Variants in NR1I2 observed in about 807,000 individuals in gnomAD.
NR1I2 encodes nuclear receptor subfamily 1 group I member 2.
Under a neutral mutation model 43.3 loss-of-function variants are expected in NR1I2, and 42 were observed. The observed-to-expected ratio is 0.97, with a 90% CI of 0.76 to 1.26. NR1I2 has a LOEUF of 1.26. Ranked by LOEUF, NR1I2 falls within the 50% of genes most tolerant of loss-of-function variation. The pLI is 0.00. For synonymous variants in NR1I2, 229 were observed against 215.0 expected (o/e 1.06, Z -0.57); for missense variants, 559 against 566.7 (o/e 0.99, Z 0.14).
At chr3:119,810,037 C>G (rs370569472) in intron 2 of NR1I2, 24 bp from the exon 3 acceptor site, 2 of 1,613,486 alleles carry the variant, frequency 1.2e-6, no homozygotes. Flanking sequence ...TGCATCCCCC[C>G]TTCTGCTCCC....
At chr3:119,783,002 A>G (rs1378770441) in intron 1 of NR1I2, 9 of 710,982 alleles carry the variant, frequency 1.3e-5, no homozygotes, top group Non-Finnish European at 2.0e-5. Context: ...CTTTAAGGCC[A>G]CTCCATATCT....
At position 119,799,985 on chromosome 3, in the gene NR1I2, A is replaced by AACAAACAC. The variant is rs1553717728; in HGVS notation, c.-22-7241_-22-7240insAACACACA. Among the ~76,000 whole-genome samples the AACAAACAC allele has an allele frequency of 7.7e-4, 110 of 142,494 alleles. 1 individual carries two copies. Among genetic ancestry groups the AACAAACAC allele is most frequent in the South Asian group, 6.0e-3 (26 of 4,302 alleles). The allele number at this position is 142,494 out of a possible 152,430, so 93.5% of individuals were successfully genotyped here. A position where few individuals can be genotyped will look rare whatever the true frequency, so the allele number is the denominator to read the frequency against. ...CAAAAAACAAACAAACAAACAAACA[A>AACAAACAC]ACACACACACACACACACACACACA... On this transcript the variant is annotated intron_variant, in intron 1 of 8. Coordinates refer to ENST00000393716, the MANE Select transcript of NR1I2 (RefSeq NM_003889.4).
rs201915734 is a variant in NR1I2 at position 119,811,549 on chromosome 3, C to T, written c.342C>T (p.Ser114=). ...TCACTGTCCCTGCAGTGATCATGTCCGACGAGGCCGTGGAGGAGAGGCGGG... is the reference window on the plus strand; with the variant it reads ...TCACTGTCCCTGCAGTGATCATGTCTGACGAGGCCGTGGAGGAGAGGCGGG... Residue 114 remains serine (S), a synonymous_variant, in exon 4 of 9, where the codon TCC becomes TCT. Transcript: ENST00000393716. 47 of 1,612,464 alleles carry T rather than the reference C, an allele frequency of 2.9e-5. No individual in the cohort carries two copies. The South Asian group carries it at 3.3e-4, about 11-fold the overall frequency.
chr3:119,818,263 T>A lies in NR1I2; in HGVS notation c.*1051T>A. On this transcript the variant is annotated 3_prime_UTR_variant, in exon 9 of 9. Transcript: ENST00000393716. ...GTTAAACACACCGGAGAAGAACCAT[T>A]TACATGCACCTTATATTTCTGTGTA... 3 of 985,596 alleles carry A rather than the reference T, an allele frequency of 3.0e-6. No homozygotes were observed. Among genetic ancestry groups the A allele is most frequent in the Non-Finnish European group, 3.6e-6 (3 of 829,938 alleles). 61.1% of individuals were successfully genotyped at this position (985,596 alleles called of 1,614,324 possible).
intron 1 of NR1I2, among the ~76,000 whole-genome samples, chr3:119,805,717 C>CCAA (rs561350711): frequency 1.3e-3 from 121 of 96,634 alleles, no homozygotes; most frequent in African/African-American, 2.7e-3. Flanking sequence ...TCCCCCCCAC[C>CCAA]AAAAAAAAAA....
rs555230556 is a variant in NR1I2 at position 119,797,348 on chromosome 3, T to G, written c.-22-9881T>G. 4.6e-5 allele frequency among the ~76,000 whole-genome samples: 7 copies of G among 152,236 alleles called. No homozygotes were observed. In the South Asian group the frequency reaches 1.5e-3, roughly 32 times the overall value. On this transcript the variant is annotated intron_variant, in intron 1 of 8. Transcript: ENST00000393716. ...GAGGAAGCAGCAGGAACAATCTGTTTATGGGAGAGCTCAGTGGGCCAGGCA... is the reference window on the plus strand; with the variant it reads ...GAGGAAGCAGCAGGAACAATCTGTTGATGGGAGAGCTCAGTGGGCCAGGCA...
chr3:119,815,616 C>A, intron 7 of NR1I2, 110 bp from the exon 8 acceptor site: 1 of 1,093,502 alleles, frequency 9.1e-7, no homozygotes, highest in Admixed American at 2.0e-5. Flanking sequence ...CACTTCCCTG[C>A]CTGGGTGACT....
intron 1 of NR1I2, among the ~76,000 whole-genome samples, chr3:119,790,483 T>C (rs1010097019): frequency 6.6e-6 from 1 of 152,244 alleles, no homozygotes; most frequent in Non-Finnish European, 1.5e-5. Flanking sequence ...AATTGCCATA[T>C]TGTTATCTAT....
rs2055352973 is a variant in NR1I2 at position 119,817,957 on chromosome 3, CAG to C, written c.*747_*748del. 5.1e-6 allele frequency: 5 copies of C among 984,952 alleles called. No homozygotes were observed. The highest frequency in any genetic ancestry group is 6.0e-6 in the Non-Finnish European group (5 of 829,606). 61.0% of individuals were successfully genotyped at this position (984,952 alleles called of 1,614,324 possible). Reference sequence around the variant, plus strand: ...CAGAGTTTATAGTTAAAAAAACAAACAGAAACACAAACGATTTGGATCAAAAG... The same window carrying C: ...CAGAGTTTATAGTTAAAAAAACAAACAAACACAAACGATTTGGATCAAAAG... On this transcript the variant is annotated 3_prime_UTR_variant, in exon 9 of 9. Transcript: ENST00000393716.
chr3:119,816,484 T>C (rs1307623391), intron 8 of NR1I2, among the ~76,000 whole-genome samples: 1 of 152,122 alleles, frequency 6.6e-6, no homozygotes, highest in Admixed American at 6.6e-5. Context: ...AACTGGTAGC[T>C]GCAATATCTA....
chr3:119,787,094 C>T (rs903971460), intron 1 of NR1I2, among the ~76,000 whole-genome samples: 5 of 152,016 alleles, frequency 3.3e-5, no homozygotes, highest in African/African-American at 9.7e-5. Flanking sequence ...TTAAGACCAG[C>T]CTGGCCAAAA....
At chr3:119,794,005 G>T (rs6438545) in intron 1 of NR1I2, among the ~76,000 whole-genome samples, 8,133 of 151,926 alleles carry the variant, frequency 0.054, 334 homozygotes, top group African/African-American at 0.12. Context: ...ATTTGTAATT[G>T]CGTGTTTTTT....
At chr3:119,798,642 A>C (rs1208528008) in intron 1 of NR1I2, among the ~76,000 whole-genome samples, 2 of 137,992 alleles carry the variant, frequency 1.4e-5, no homozygotes, top group Non-Finnish European at 3.0e-5. Flanking sequence ...TCCGTCTCAA[A>C]AAAAAAAAAA....
At chr3:119,810,226 C>T (rs1444380253) in intron 3 of NR1I2, 32 bp downstream of exon 3, 2 of 1,563,576 alleles carry the variant, frequency 1.3e-6, no homozygotes, top group South Asian at 1.2e-5. Context: ...GGGCCGGCGC[C>T]GGGGTGCACG....
intron 1 of NR1I2, among the ~76,000 whole-genome samples, chr3:119,784,350 T>G: frequency 6.6e-6 from 1 of 152,234 alleles, no homozygotes; most frequent in South Asian, 2.1e-4. Flanking sequence ...TCTTGGCCAT[T>G]GTATTTCTCT....
chr3:119,807,485 C>G, intron 2 of NR1I2, 38 bp downstream of exon 2: 1 of 1,563,716 alleles, frequency 6.4e-7, no homozygotes. Context: ...CGTGCCACCA[C>G]TGACCCACTG....
chr3:119,815,236 T>G, intron 6 of NR1I2, 87 bp from the exon 7 acceptor site: 1 of 1,576,034 alleles, frequency 6.3e-7, no homozygotes, highest in East Asian at 2.2e-5. Context: ...GAAGATGGAA[T>G]GGTGGAAAAC....
chr3:119,801,200 G>A (rs73854716), intron 1 of NR1I2, among the ~76,000 whole-genome samples: 6,386 of 152,220 alleles, frequency 0.042, 184 homozygotes, highest in Middle Eastern at 0.095. Context: ...TTCTGAGAAC[G>A]TAGTCCTTAG....
At chr3:119,785,186 G>T (rs1017309642) in intron 1 of NR1I2, among the ~76,000 whole-genome samples, 46 of 152,326 alleles carry the variant, frequency 3.0e-4, no homozygotes, top group African/African-American at 1.1e-3. Flanking sequence ...ACAATTCTAG[G>T]AGATACTCTT....
Sources: gnomAD v4.1 joint callset for allele counts (sites outside exome capture counted in the v4.1 genomes callset) on GRCh38, gnomAD v4.1.1 for gene constraint, MANE v1.5 for transcripts, NCBI Gene and HGNC (gene_info 2026-07-23, HGNC 2026-07-21) for gene names.